KIAA0319: variants seen among roughly 807,000 people sequenced by gnomAD.
KIAA0319 encodes KIAA0319.
Under a neutral mutation model 108.4 loss-of-function variants are expected in KIAA0319, and 83 were observed. That is an observed-to-expected ratio of 0.77 (90% CI 0.64 to 0.92). The LOEUF (loss-of-function observed/expected upper bound fraction) is 0.92. Ranked by LOEUF, KIAA0319 falls within the 40% of genes least tolerant of loss-of-function variation. KIAA0319 has a pLI of 0.00. For synonymous variants in KIAA0319, 484 were observed against 510.4 expected (o/e 0.95, Z 0.70); for missense variants, 1,195 against 1,322.4 (o/e 0.90, Z 1.49).
chr6:24,567,204 A>T lies in KIAA0319; in HGVS notation c.2141-456T>A, dbSNP rs571424115. ...TAAGACAAAAAAAAAGAAAAAAAAA[A>T]TTTGAGTAAAAAGTAGGCTGGGTGC... On this transcript the variant is annotated intron_variant, in intron 13 of 20. Coordinates refer to ENST00000378214, the MANE Select transcript of KIAA0319 (RefSeq NM_014809.4). 3.2e-4 allele frequency among the ~76,000 whole-genome samples: 48 copies of T among 152,064 alleles called. No homozygotes were observed. In the Middle Eastern group the frequency reaches 0.017, roughly 54 times the overall value.
intron 14 of KIAA0319, among the ~76,000 whole-genome samples, chr6:24,566,344 A>T (rs947972165): frequency 2.6e-5 from 4 of 152,210 alleles, no homozygotes; most frequent in African/African-American, 9.6e-5. Context: ...TTCCCCTGCT[A>T]TGGGAGGACA....
intron 1 of KIAA0319, among the ~76,000 whole-genome samples, chr6:24,645,122 A>AT (rs1272507699): frequency 1.3e-5 from 2 of 152,174 alleles, no homozygotes; most frequent in African/African-American, 4.8e-5. Flanking sequence ...TCTACAATTT[A>AT]TTTTTTCTGT....
At chr6:24,578,045 T>C (rs1765799237) in intron 9 of KIAA0319, 65 bp downstream of exon 9, 6 of 1,505,722 alleles carry the variant, frequency 4.0e-6, no homozygotes, top group South Asian at 1.3e-5. Context: ...TTTATGTGCG[T>C]TAATTTAAAG....
At chr6:24,611,629 C>T (rs1373683602) in intron 1 of KIAA0319, among the ~76,000 whole-genome samples, 1 of 152,218 alleles carries the variant, frequency 6.6e-6, no homozygotes, top group Non-Finnish European at 1.5e-5. Flanking sequence ...ATTTGCAACT[C>T]ACATTGCAGA....
intron 11 of KIAA0319, among the ~76,000 whole-genome samples, chr6:24,571,031 A>G (rs1243740557): frequency 6.6e-6 from 1 of 151,824 alleles, no homozygotes; most frequent in Non-Finnish European, 1.5e-5. Flanking sequence ...GTTTCTATTA[A>G]AAATCCAAAA....
At chr6:24,590,896 C>T (rs1768366999) in intron 3 of KIAA0319, among the ~76,000 whole-genome samples, 1 of 152,208 alleles carries the variant, frequency 6.6e-6, no homozygotes, top group African/African-American at 2.4e-5. Context: ...CTGACAAACC[C>T]CTCCAAAGAA....
chr6:24,612,929 GCTGGGA>G (rs1284776324), intron 1 of KIAA0319, among the ~76,000 whole-genome samples: 1 of 152,100 alleles, frequency 6.6e-6, no homozygotes. Flanking sequence ...CTCCCAAGTA[GCTGGGA>G]CTACAGGCGC....
intron 1 of KIAA0319, among the ~76,000 whole-genome samples, chr6:24,633,921 T>C (rs913439526): frequency 6.6e-6 from 1 of 152,050 alleles, no homozygotes; most frequent in Admixed American, 6.6e-5. Flanking sequence ...AAAATTTACT[T>C]GGATGCTCAA....
In KIAA0319 at chr6:24,576,270, A is replaced by G. The variant is rs1765488238; in HGVS notation, c.1734+98T>C. The G allele has an allele frequency of 7.7e-6, 7 of 909,004 alleles. No individual in the cohort carries two copies. The South Asian group carries it at 1.1e-4, about 14-fold the overall frequency. 56.3% of individuals were successfully genotyped at this position (909,004 alleles called of 1,614,324 possible). A position where few individuals can be genotyped will look rare whatever the true frequency, so the allele number is the denominator to read the frequency against. ...TAGATCAGATAACTTTACAAAATAA[A>G]TTATCTAAATTTAACTGCCTACCCC... On this transcript the variant is annotated intron_variant, in intron 10 of 20. Transcript: ENST00000378214.
In KIAA0319 at chr6:24,564,341, C is replaced by T. The variant is rs2127445923; in HGVS notation, c.2293-1G>A. The T allele has an allele frequency of 6.2e-7, 1 of 1,614,136 alleles. No individual in the cohort carries two copies. Among genetic ancestry groups the T allele is most frequent in the African/African-American group, 1.3e-5 (1 of 75,056 alleles). On this transcript the variant is annotated splice_acceptor_variant, in intron 14 of 20. Coordinates refer to ENST00000378214, the MANE Select transcript of KIAA0319 (RefSeq NM_014809.4). LOFTEE classifies it high-confidence loss of function. ...TGTGGTCAGAGCCATCGATGACATCCTGCGAAAGAACACGGATCACAGGGC... is the reference window on the plus strand; with the variant it reads ...TGTGGTCAGAGCCATCGATGACATCTTGCGAAAGAACACGGATCACAGGGC...
At chr6:24,628,919 G>A (rs1011217981) in intron 1 of KIAA0319, among the ~76,000 whole-genome samples, 6 of 152,192 alleles carry the variant, frequency 3.9e-5, no homozygotes, top group African/African-American at 7.2e-5. Context: ...GATACCATCC[G>A]CAGAAACCTT....
intron 1 of KIAA0319, among the ~76,000 whole-genome samples, chr6:24,624,375 ATG>A (rs1434540298): frequency 6.6e-6 from 1 of 152,060 alleles, no homozygotes; most frequent in Non-Finnish European, 1.5e-5. Flanking sequence ...TCTATCAAAC[ATG>A]TAAACAAAAT....
intron 4 of KIAA0319, among the ~76,000 whole-genome samples, chr6:24,586,403 A>G (rs556180235): frequency 2.0e-5 from 3 of 152,232 alleles, no homozygotes; most frequent in Non-Finnish European, 2.9e-5. Flanking sequence ...GGGAATTTAT[A>G]TCTATAAAGG....
chr6:24,566,813 G>A, intron 13 of KIAA0319, 65 bp from the exon 14 acceptor site: 1 of 1,428,338 alleles, frequency 7.0e-7, no homozygotes, highest in South Asian at 1.3e-5. Flanking sequence ...TAGAATAAGT[G>A]TGTCATAAAA....
intron 2 of KIAA0319, chr6:24,598,184 G>A (rs1770029437): frequency 6.4e-6 from 3 of 472,398 alleles, no homozygotes; most frequent in Non-Finnish European, 1.2e-5. Context: ...ATGGGTCTGG[G>A]TGGAGGCTAT....
At chr6:24,570,646 G>C (rs1764594117) in intron 11 of KIAA0319, among the ~76,000 whole-genome samples, 1 of 149,484 alleles carries the variant, frequency 6.7e-6, no homozygotes. Context: ...AAATGAGAGA[G>C]GGAAGAAGGG....
intron 19 of KIAA0319, 111 bp from the exon 20 acceptor site, chr6:24,551,636 T>C (rs1761526972): frequency 1.4e-6 from 1 of 714,732 alleles, no homozygotes; most frequent in Non-Finnish European, 2.4e-6. Flanking sequence ...TATGATGTGA[T>C]AGTTGGCGTC....
chr6:24,606,214 GGCGT>G (rs1057130480), intron 1 of KIAA0319, among the ~76,000 whole-genome samples: 14 of 152,164 alleles, frequency 9.2e-5, no homozygotes, highest in African/African-American at 2.4e-4. Context: ...TGGGATTATA[GGCGT>G]GAGTTACTGC....
intron 11 of KIAA0319, among the ~76,000 whole-genome samples, chr6:24,570,498 G>C (rs975684486): frequency 6.6e-6 from 1 of 152,004 alleles, no homozygotes. Context: ...TGAGGCAGGA[G>C]AATGGCATGA....
Sources: gnomAD v4.1 joint callset for allele counts (sites outside exome capture counted in the v4.1 genomes callset) on GRCh38, gnomAD v4.1.1 for gene constraint, MANE v1.5 for transcripts, NCBI Gene and HGNC (gene_info 2026-07-23, HGNC 2026-07-21) for gene names.